BSPH1: variants seen among roughly 807,000 people sequenced by gnomAD.
The protein encoded by BSPH1 is binder of sperm 1.
BSPH1 carries 21 observed loss-of-function variants against 22.5 expected under a neutral mutation model. That is an observed-to-expected ratio of 0.93 (90% CI 0.66 to 1.35). The LOEUF (loss-of-function observed/expected upper bound fraction) is 1.35, where lower values mean the gene tolerates loss of function less well. BSPH1 is among the 40% of genes most tolerant of loss of function. The pLI is 0.00. For synonymous variants in BSPH1, 42 were observed against 53.6 expected, an observed-to-expected ratio of 0.78 and a Z score of 0.95; for missense variants, 141 against 154.2, an observed-to-expected ratio of 0.91 and a Z score of 0.45.
chr19:47,971,734 ACTGT>A lies in BSPH1; in HGVS notation c.*3-3529_*3-3526del, dbSNP rs149399328. Among the ~76,000 whole-genome samples, 1,444 of 152,298 alleles carry A rather than the reference ACTGT, an allele frequency of 9.5e-3. 26 individuals are homozygous for A. Among genetic ancestry groups the A allele is most frequent in the African/African-American group, 0.033 (1,355 of 41,562 alleles). ...TAGCTGGCCTACCAATCTGAAACAG[ACTGT>A]CTGTCACTTAATATTTTATTGCCCT... On this transcript the variant is annotated intron_variant, in intron 5 of 5. Transcript: ENST00000344839.
At chr19:47,984,203 T>C (rs918145183) in intron 1 of BSPH1, among the ~76,000 whole-genome samples, 44 of 146,818 alleles carry the variant, frequency 3.0e-4, no homozygotes, top group African/African-American at 9.4e-4. Flanking sequence ...ATAATATGTA[T>C]ATTATACATA....
intron 2 of BSPH1, chr19:47,980,488 T>C: frequency 2.7e-6 from 1 of 377,088 alleles, no homozygotes; most frequent in Non-Finnish European, 3.6e-6. Flanking sequence ...TTTTTTTTTT[T>C]TTTTTTTTTT....
At chr19:47,973,224 TAATAATAA>T (rs980867710) in intron 5 of BSPH1, among the ~76,000 whole-genome samples, 1 of 91,836 alleles carries the variant, frequency 1.1e-5, no homozygotes, top group Non-Finnish European at 2.2e-5. Context: ...CTCAAAATAA[TAATAATAA>T]TAATAATAAT....
intron 5 of BSPH1, among the ~76,000 whole-genome samples, chr19:47,975,290 C>T (rs1276101132): frequency 7.2e-5 from 11 of 152,196 alleles, no homozygotes; most frequent in Non-Finnish European, 1.2e-4. Flanking sequence ...CTCTGCCTCC[C>T]AAAGTGCTGG....
intron 3 of BSPH1, among the ~76,000 whole-genome samples, chr19:47,979,044 T>C (rs1206259222): frequency 6.6e-6 from 1 of 151,886 alleles, no homozygotes; most frequent in Non-Finnish European, 1.5e-5. Context: ...ATTAGAGAGG[T>C]AAGGAAGCAT....
chr19:47,986,624 A>C (rs560049433), intron 1 of BSPH1, among the ~76,000 whole-genome samples: 1 of 152,152 alleles, frequency 6.6e-6, no homozygotes, highest in Non-Finnish European at 1.5e-5. Context: ...GTGCACCTGT[A>C]GTCCCAGCTA....
intron 5 of BSPH1, among the ~76,000 whole-genome samples, chr19:47,968,778 T>G (rs1375869467): frequency 6.6e-6 from 1 of 150,598 alleles, no homozygotes; most frequent in East Asian, 2.0e-4. Flanking sequence ...GTGGGCGGAT[T>G]GTCTGAGCTC....
rs1179730132 is a variant in BSPH1, at chr19:47,976,590, AAAAAAAC to A, written c.*2+113_*2+119del. 308 of 677,124 alleles carry A rather than the reference AAAAAAAC, an allele frequency of 4.5e-4. 2 individuals carry two copies. Among genetic ancestry groups the A allele is most frequent in the African/African-American group, 4.3e-3 (220 of 51,066 alleles). 41.9% of individuals were successfully genotyped at this position (677,124 alleles called of 1,614,324 possible). A position where few individuals can be genotyped will look rare whatever the true frequency, so the allele number is the denominator to read the frequency against. On this transcript the variant is annotated intron_variant, in intron 5 of 5. Coordinates refer to ENST00000344839, the MANE Select transcript of BSPH1 (RefSeq NM_001128326.2). ...CTTCAACTCACATCCCAGAAAAAAAAAAAAAACAAAAAAAAACCCTCTCTAATGAGAA... is the reference window on the plus strand; with the variant it reads ...CTTCAACTCACATCCCAGAAAAAAAAAAAAAAAAACCCTCTCTAATGAGAA...
At chr19:47,968,779 G>A (rs1224545554) in intron 5 of BSPH1, among the ~76,000 whole-genome samples, 4 of 149,784 alleles carry the variant, frequency 2.7e-5, no homozygotes, top group Non-Finnish European at 4.4e-5. Context: ...TGGGCGGATT[G>A]TCTGAGCTCA....
intron 5 of BSPH1, 102 bp downstream of exon 5, chr19:47,976,608 C>T (rs1293164525): frequency 1.6e-6 from 1 of 610,874 alleles, no homozygotes. Context: ...AAAAAAAAAC[C>T]CTCTCTAATG....
At chr19:47,968,275 T>C (rs1969276445) in intron 5 of BSPH1, 66 bp from the exon 6 acceptor site, 1 of 152,068 alleles carries the variant, frequency 6.6e-6, no homozygotes, top group East Asian at 1.9e-4. Context: ...TTCCTGCTCA[T>C]TCTCTGCCAG....
At chr19:47,983,657 G>A (rs1463436784) in intron 1 of BSPH1, among the ~76,000 whole-genome samples, 11 of 152,150 alleles carry the variant, frequency 7.2e-5, no homozygotes, top group African/African-American at 2.4e-4. Flanking sequence ...ATCATTTGTT[G>A]TGAATGTTGG....
chr19:47,985,967 A>G (rs1969466786), intron 1 of BSPH1, among the ~76,000 whole-genome samples: 1 of 152,170 alleles, frequency 6.6e-6, no homozygotes, highest in South Asian at 2.1e-4. Context: ...AGCATCGTCA[A>G]CAGCATATAT....
Position 47,968,144 on chromosome 19 carries a change from A to C in BSPH1, c.*68T>G, listed in dbSNP as rs543530626. On this transcript the variant is annotated 3_prime_UTR_variant, in exon 6 of 6. Transcript: ENST00000344839. ...AGAATCCATGGCTTTCAGGAAGAAG[A>C]TTATTACTGCTGGATGCATCGATCA... is the stretch of plus-strand genomic sequence containing the variant. 3.3e-5 allele frequency: 5 copies of C among 152,212 alleles called. No individual in the cohort carries two copies. The highest frequency in any genetic ancestry group is 5.9e-5 in the Non-Finnish European group (4 of 68,040). The allele number at this position is 152,212 out of a possible 1,614,324, so 9.4% of individuals were successfully genotyped here.
At chr19:47,972,055 A>C (rs1436601185) in intron 5 of BSPH1, among the ~76,000 whole-genome samples, 1 of 152,160 alleles carries the variant, frequency 6.6e-6, no homozygotes, top group African/African-American at 2.4e-5. Flanking sequence ...GCTGGTTGTA[A>C]TTGATGTCTC....
intron 1 of BSPH1, among the ~76,000 whole-genome samples, chr19:47,985,138 C>T (rs893815194): frequency 3.0e-4 from 46 of 151,684 alleles, no homozygotes; most frequent in African/African-American, 1.1e-3. Flanking sequence ...TGGGTAATGG[C>T]TTCAATTGAA....
intron 1 of BSPH1, among the ~76,000 whole-genome samples, chr19:47,987,515 A>T (rs1600093046): frequency 6.6e-6 from 1 of 151,684 alleles, no homozygotes; most frequent in Non-Finnish European, 1.5e-5. Context: ...CCTCCCAAGT[A>T]GCTGGAACTA....
At chr19:47,980,692 G>C (rs1365406609) in intron 2 of BSPH1, among the ~76,000 whole-genome samples, 1 of 151,672 alleles carries the variant, frequency 6.6e-6, no homozygotes, top group Non-Finnish European at 1.5e-5. Context: ...GGATGGTCTC[G>C]ATCTCCTGAC....
intron 3 of BSPH1, among the ~76,000 whole-genome samples, chr19:47,979,036 TAGAG>T (rs1969394035): frequency 6.6e-6 from 1 of 152,200 alleles, no homozygotes; most frequent in Non-Finnish European, 1.5e-5. Context: ...TTGAAATTAT[TAGAG>T]AGGTAAGGAA....
Sources: allele counts gnomAD v4.1 joint callset (sites outside exome capture counted in the v4.1 genomes callset), GRCh38; gene constraint gnomAD v4.1.1; transcripts MANE v1.5; gene names NCBI Gene and HGNC (gene_info 2026-07-23, HGNC 2026-07-21).